The following ERICH1 variants were observed in gnomAD, a reference collection of about 807,000 sequenced individuals.
The protein encoded by ERICH1 is glutamate rich 1, also known as glutamate-rich protein 1.
A neutral mutation model predicts 39.6 loss-of-function variants in ERICH1; 56 were observed. The observed-to-expected ratio is 1.41, with a 90% CI of 1.14 to 1.77. The LOEUF is 1.77. Ranked by LOEUF, ERICH1 falls within the 40% of genes most tolerant of loss-of-function variation. The pLI is 0.00. For missense variants in ERICH1, 826 were observed against 575.4 expected (o/e 1.44, Z -4.45); for synonymous variants, 313 against 223.6 (o/e 1.40, Z -3.57).
chr8:704,912 T>G (rs552329245), intron 2 of ERICH1, among the ~76,000 whole-genome samples: 2 of 152,350 alleles, frequency 1.3e-5, no homozygotes, highest in African/African-American at 4.8e-5. Context: ...TAATAATTCC[T>G]GAGAATTATT....
At chr8:720,567 A>G (rs1465061456) in intron 1 of ERICH1, among the ~76,000 whole-genome samples, 1 of 152,200 alleles carries the variant, frequency 6.6e-6, no homozygotes, top group East Asian at 1.9e-4. Flanking sequence ...GGGAGTGGGA[A>G]GAAGGCCGTA....
intron 3 of ERICH1, among the ~76,000 whole-genome samples, chr8:621,871 C>G (rs766977867): frequency 2.6e-5 from 4 of 152,156 alleles, no homozygotes; most frequent in South Asian, 2.1e-4. Context: ...ACTACCCAAA[C>G]CAACTCAAAA....
intron 2 of ERICH1, among the ~76,000 whole-genome samples, chr8:712,490 C>T (rs1282777729): frequency 6.6e-6 from 1 of 152,160 alleles, no homozygotes; most frequent in African/African-American, 2.4e-5. Context: ...AGTGCAGTGA[C>T]ATGATCTCGG....
intron 3 of ERICH1, among the ~76,000 whole-genome samples, chr8:644,210 G>A (rs912106606): frequency 6.6e-6 from 1 of 152,188 alleles, no homozygotes; most frequent in African/African-American, 2.4e-5. Flanking sequence ...CAAGCGCCTG[G>A]CCTCCTGGCC....
chr8:686,055 G>A (rs1226659516), intron 3 of ERICH1, among the ~76,000 whole-genome samples: 2 of 151,626 alleles, frequency 1.3e-5, no homozygotes, highest in Non-Finnish European at 2.9e-5. Flanking sequence ...AGCTTCTCGG[G>A]AGGCTGAGGC....
intron 3 of ERICH1, among the ~76,000 whole-genome samples, chr8:689,255 G>A (rs150787138): frequency 6.7e-6 from 1 of 148,920 alleles, no homozygotes; most frequent in African/African-American, 2.4e-5. Context: ...GGGATTACAG[G>A]TACATGCCAC....
In ERICH1 at chr8:640,782, T is replaced by A. The variant is rs1384561037; in HGVS notation, c.977-25498A>T. ...ACCTGGAATACTTTTCCACGTTGGG[T>A]GCAGCTGGGACTGAAGATCTTCCAA... On this transcript the variant is annotated intron_variant, in intron 3 of 3. Coordinates refer to the ERICH1 transcript ENST00000522706. 3 of 152,210 alleles carry A rather than the reference T, an allele frequency of 2.0e-5. No individual in the cohort carries two copies. The East Asian group carries it at 5.8e-4, about 29-fold the overall frequency. 9.4% of individuals were successfully genotyped at this position (152,210 alleles called of 1,614,324 possible).
chr8:705,213 G>A (rs1812993147), intron 2 of ERICH1, among the ~76,000 whole-genome samples: 1 of 152,236 alleles, frequency 6.6e-6, no homozygotes, highest in Non-Finnish European at 1.5e-5. Flanking sequence ...AAGGACGGAT[G>A]TGGGCACTGT....
intron 2 of ERICH1, among the ~76,000 whole-genome samples, chr8:699,248 T>C (rs1431283129): frequency 2.6e-5 from 4 of 151,644 alleles, no homozygotes; most frequent in African/African-American, 9.7e-5. Context: ...AAGAAAAAGG[T>C]ATTTCCCACC....
At chr8:693,548 G>C (rs544736892) in intron 2 of ERICH1, among the ~76,000 whole-genome samples, 1 of 149,346 alleles carries the variant, frequency 6.7e-6, no homozygotes, top group Admixed American at 6.6e-5. Context: ...TCTACCAGAG[G>C]TCGTTACCAC....
At chr8:673,262 G>A in intron 4 of ERICH1, 27 bp downstream of exon 4, 1 of 1,570,846 alleles carries the variant, frequency 6.4e-7, no homozygotes, top group Non-Finnish European at 8.7e-7. Context: ...ATGTCACTAT[G>A]CAAGAGAAAA....
chr8:638,431 G>A (rs1304945475), intron 3 of ERICH1, among the ~76,000 whole-genome samples: 3 of 152,128 alleles, frequency 2.0e-5, no homozygotes, highest in African/African-American at 7.2e-5. Flanking sequence ...CAGGTGGGCC[G>A]GTCGTGCCTG....
chr8:615,306 G>C (rs1021559643), intron 3 of ERICH1: 1 of 663,300 alleles, frequency 1.5e-6, no homozygotes, highest in Admixed American at 2.5e-5. Context: ...GGTTAAGGGA[G>C]ATCAGTTGTG....
In ERICH1 at chr8:692,561, G is replaced by A. The variant is rs773901598; in HGVS notation, c.221C>T (p.Pro74Leu). ...CCAACAGGGGACGTAGCCCTCAGGA[G>A]GCCCGCTGGCAGTGTAGAGCCGTCG... is the stretch of plus-strand genomic sequence containing the variant. ...TARRLYTASGPPEGYVPCWPE... is the reference protein window; with the variant it reads ...TARRLYTASGLPEGYVPCWPE... Residue 74 changes from proline (P) to leucine (L), a missense_variant, in exon 3 of 6, where the codon CCT (proline) becomes CTT (leucine). Transcript: ENST00000262109. The A allele has an allele frequency of 3.1e-6, 5 of 1,613,594 alleles. No homozygotes were observed. The South Asian group carries it at 4.4e-5, about 14-fold the overall frequency.
At chr8:717,343 C>T (rs1232021822) in intron 1 of ERICH1, among the ~76,000 whole-genome samples, 11 of 152,126 alleles carry the variant, frequency 7.2e-5, no homozygotes, top group African/African-American at 1.2e-4. Context: ...CTGTGGTGAG[C>T]GGGTCCCACC....
chr8:643,671 G>T (rs1272738349), intron 3 of ERICH1, among the ~76,000 whole-genome samples: 1 of 152,198 alleles, frequency 6.6e-6, no homozygotes, highest in African/African-American at 2.4e-5. Context: ...TCTGAGCGAT[G>T]GGACAGCATC....
intron 3 of ERICH1, among the ~76,000 whole-genome samples, chr8:658,644 C>T (rs958645636): frequency 2.0e-5 from 3 of 152,168 alleles, no homozygotes; most frequent in African/African-American, 7.2e-5. Flanking sequence ...GACCAGGCCT[C>T]AATGAGATCA....
intron 2 of ERICH1, among the ~76,000 whole-genome samples, 194 bp downstream of exon 2, chr8:715,667 T>G (rs557680377): frequency 1.9e-4 from 29 of 152,364 alleles, no homozygotes; most frequent in Admixed American, 5.2e-4. Context: ...GACCTGGCCT[T>G]GGCTGGGGAG....
At chr8:719,841 T>A (rs949348799) in intron 1 of ERICH1, among the ~76,000 whole-genome samples, 1 of 152,202 alleles carries the variant, frequency 6.6e-6, no homozygotes, top group African/African-American at 2.4e-5. Flanking sequence ...CGGATATACT[T>A]TGTTGCTCAA....
Sources: gnomAD v4.1 joint callset for allele counts (sites outside exome capture counted in the v4.1 genomes callset) on GRCh38, gnomAD v4.1.1 for gene constraint, MANE v1.5 for transcripts, NCBI Gene and HGNC (gene_info 2026-07-23, HGNC 2026-07-21) for gene names.